Variants in GATB observed in about 807,000 individuals in gnomAD.
GATB encodes glutamyl-tRNA amidotransferase subunit B.
GATB carries 39 observed loss-of-function variants against 62.3 expected under a neutral mutation model. That is an observed-to-expected ratio of 0.63 (90% CI 0.48 to 0.82). The LOEUF (loss-of-function observed/expected upper bound fraction) is 0.82, where lower values mean the gene tolerates loss of function less well. Among genes scored for constraint, GATB ranks in the 40% least tolerant of loss-of-function variants. The pLI is 0.00. For missense variants in GATB, 670 were observed against 684.0 expected (o/e 0.98, Z 0.23); for synonymous variants, 276 against 258.9 (o/e 1.07, Z -0.63).
rs532325104 is a variant in GATB, at chr4:151,701,461, G to C, written c.1065C>G (p.Pro355=). ...TCACTTGCTGTGGGTCTGCACCTGC[G>C]GGCAGAGATGTGGCGTCGTAGAGCA... The part of the protein sequence containing the change: ...PLVLYDATSL[P]AGADPQQVIN... The change falls in exon 9 of 13, where the codon CCC becomes CCG. Residue 355 remains proline, a synonymous_variant. Coordinates refer to ENST00000263985, the MANE Select transcript of GATB (RefSeq NM_004564.3). 1 of 1,596,832 alleles carries C rather than the reference G, an allele frequency of 6.3e-7. No individual in the cohort carries two copies. The highest frequency in any genetic ancestry group is 8.5e-7 in the Non-Finnish European group (1 of 1,170,860).
intron 11 of GATB, 55 bp from the exon 12 acceptor site, chr4:151,672,951 G>C: frequency 6.3e-7 from 1 of 1,598,198 alleles, no homozygotes; most frequent in Non-Finnish European, 8.5e-7. Flanking sequence ...TCTTCTGCCA[G>C]CTCCATTTGC....
chr4:151,745,740 A>G (rs1242632169), intron 2 of GATB, among the ~76,000 whole-genome samples: 1 of 152,226 alleles, frequency 6.6e-6, no homozygotes, highest in Admixed American at 6.5e-5. Flanking sequence ...CACTCTTGTG[A>G]ATAAAAGAAA....
Position 151,716,020 on chromosome 4 carries a change from G to C in GATB, c.752C>G (p.Ala251Gly). Reference protein sequence around the residue: ...LILQALGTSQANMAEGQLRVD... With the variant: ...LILQALGTSQGNMAEGQLRVD... ...TCTGTGGCTTCTACCTGCCATGTTCGCCTGGCTGGTCCCCAGGGCTTGAAG... is the reference window on the plus strand; with the variant it reads ...TCTGTGGCTTCTACCTGCCATGTTCCCCTGGCTGGTCCCCAGGGCTTGAAG... Residue 251 changes from alanine to glycine, a missense_variant, in exon 5 of 13, where the codon GCG (alanine) becomes GGG (glycine). Physicochemically the swap from Ala to Gly is moderately conservative, Grantham distance 60. Coordinates refer to ENST00000263985, the MANE Select transcript of GATB (RefSeq NM_004564.3). The C allele has an allele frequency of 6.2e-7, 1 of 1,613,650 alleles. No individual in the cohort carries two copies. The highest frequency in any genetic ancestry group is 1.1e-5 in the South Asian group (1 of 90,946).
chr4:151,705,325 A>C, intron 6 of GATB, 56 bp from the exon 7 acceptor site: 2 of 1,100,712 alleles, frequency 1.8e-6, no homozygotes, highest in Non-Finnish European at 2.7e-6. Context: ...TCATCCAGTC[A>C]AGCAATAATT....
chr4:151,741,199 CAAT>C (rs1434604942), intron 2 of GATB, among the ~76,000 whole-genome samples: 3 of 151,992 alleles, frequency 2.0e-5, no homozygotes, highest in African/African-American at 7.2e-5. Context: ...AGATTAACAA[CAAT>C]AATAAAAAAG....
At chr4:151,684,831 A>C (rs1206564065) in intron 10 of GATB, among the ~76,000 whole-genome samples, 1 of 152,212 alleles carries the variant, frequency 6.6e-6, no homozygotes, top group Non-Finnish European at 1.5e-5. Context: ...TACTGCTTAT[A>C]AACTGCTTGG....
chr4:151,747,231 A>G (rs1739620434), intron 2 of GATB, among the ~76,000 whole-genome samples: 3 of 152,208 alleles, frequency 2.0e-5, no homozygotes, highest in Admixed American at 6.5e-5. Context: ...GGCAGAAGTC[A>G]AGGCCATGAG....
chr4:151,713,725 C>T (rs968859934), intron 5 of GATB, among the ~76,000 whole-genome samples: 3 of 152,178 alleles, frequency 2.0e-5, no homozygotes, highest in Non-Finnish European at 4.4e-5. Flanking sequence ...CCTTGCTATC[C>T]TGCCTCTCTT....
chr4:151,692,902 C>T (rs1272368982), intron 9 of GATB, among the ~76,000 whole-genome samples: 1 of 152,228 alleles, frequency 6.6e-6, no homozygotes, highest in Non-Finnish European at 1.5e-5. Context: ...GCTGACTATA[C>T]AAAGGCTCTA....
At chr4:151,740,373 T>TA (rs1287751571) in intron 2 of GATB, among the ~76,000 whole-genome samples, 1 of 152,256 alleles carries the variant, frequency 6.6e-6, no homozygotes, top group African/African-American at 2.4e-5. Context: ...CTACAGGGTA[T>TA]AGCCTATGGC....
At chr4:151,719,288 G>A (rs1323439840) in intron 3 of GATB, 137 bp downstream of exon 3, 23 of 624,802 alleles carry the variant, frequency 3.7e-5, no homozygotes, top group Admixed American at 9.7e-5. Flanking sequence ...GGGCTGGGCC[G>A]AACTTCCTGC....
At chr4:151,743,554 A>T (rs950306790) in intron 2 of GATB, among the ~76,000 whole-genome samples, 5 of 152,220 alleles carry the variant, frequency 3.3e-5, no homozygotes, top group African/African-American at 1.2e-4. Context: ...CACCTACATA[A>T]ATCTGACTTC....
chr4:151,686,691 C>T (rs1738256901), intron 10 of GATB, among the ~76,000 whole-genome samples: 1 of 129,414 alleles, frequency 7.7e-6, no homozygotes, highest in Non-Finnish European at 1.6e-5. Context: ...TTTCCTTCTA[C>T]TTCTGTGCCA....
chr4:151,677,852 T>TA (rs1738041041), intron 11 of GATB: 1 of 151,860 alleles, frequency 6.6e-6, no homozygotes, highest in South Asian at 2.1e-4. Flanking sequence ...TGACACTATA[T>TA]AATTAATAAT....
At chr4:151,707,185 G>T (rs1578913693) in intron 6 of GATB, among the ~76,000 whole-genome samples, 1 of 152,234 alleles carries the variant, frequency 6.6e-6, no homozygotes, top group African/African-American at 2.4e-5. Flanking sequence ...TCTCAAGCTG[G>T]TCAGAAAGAA....
At chr4:151,752,031 T>C (rs1324635530) in intron 2 of GATB, among the ~76,000 whole-genome samples, 1 of 152,180 alleles carries the variant, frequency 6.6e-6, no homozygotes, top group Non-Finnish European at 1.5e-5. Flanking sequence ...GAAAATACCA[T>C]TCTTCTACTG....
chr4:151,687,674 C>G (rs548819240), intron 10 of GATB, among the ~76,000 whole-genome samples: 7 of 152,102 alleles, frequency 4.6e-5, no homozygotes, highest in Non-Finnish European at 8.8e-5. Flanking sequence ...GAAGAGGTCA[C>G]GAGGGTGTGG....
chr4:151,755,284 T>C (rs1739805060), intron 2 of GATB, among the ~76,000 whole-genome samples: 1 of 152,228 alleles, frequency 6.6e-6, no homozygotes, highest in African/African-American at 2.4e-5. Context: ...ATCTTTAGCA[T>C]TGTCCTATGT....
intron 10 of GATB, among the ~76,000 whole-genome samples, chr4:151,685,990 T>C (rs1385709358): frequency 6.6e-6 from 1 of 151,614 alleles, no homozygotes; most frequent in East Asian, 1.9e-4. Context: ...GAGGTGGAGG[T>C]TGCAGTGGGC....
Sources: allele counts gnomAD v4.1 joint callset (sites outside exome capture counted in the v4.1 genomes callset), GRCh38; gene constraint gnomAD v4.1.1; transcripts MANE v1.5; gene names NCBI Gene and HGNC (gene_info 2026-07-23, HGNC 2026-07-21).